CAMK4: variants seen among roughly 807,000 people sequenced by gnomAD.
CAMK4 encodes the protein calcium/calmodulin dependent protein kinase IV, also known as calcium/calmodulin-dependent protein kinase type IV.
CAMK4 carries 22 observed loss-of-function variants against 44.9 expected under a neutral mutation model. The ratio of observed to expected loss-of-function variants is 0.49; its 90% confidence interval spans 0.35 to 0.70. CAMK4 has a LOEUF of 0.70. CAMK4 is among the 30% of genes least tolerant of loss of function. CAMK4 has a pLI of 0.01. For synonymous variants in CAMK4, 218 were observed against 215.4 expected (o/e 1.01, Z -0.11); for missense variants, 498 against 586.8 (o/e 0.85, Z 1.56).
chr5:111,395,211 CAAAAAAAAA>C (rs1175802762), intron 5 of CAMK4, among the ~76,000 whole-genome samples: 1 of 90,680 alleles, frequency 1.1e-5, no homozygotes, highest in African/African-American at 3.7e-5. Flanking sequence ...GACCCTGTCT[CAAAAAAAAA>C]AAAAAAAGAA....
chr5:111,421,003 C>G, intron 5 of CAMK4, among the ~76,000 whole-genome samples: 1 of 152,150 alleles, frequency 6.6e-6, no homozygotes, highest in Admixed American at 6.5e-5. Flanking sequence ...TAGGAAATCA[C>G]AAGGGTATTG....
intron 1 of CAMK4, among the ~76,000 whole-genome samples, chr5:111,260,734 T>C (rs951786512): frequency 1.3e-5 from 2 of 152,150 alleles, no homozygotes; most frequent in African/African-American, 4.8e-5. Flanking sequence ...ACTCCCTTAT[T>C]TCCTAACCAT....
At chr5:111,276,354 C>G (rs150774017) in intron 1 of CAMK4, among the ~76,000 whole-genome samples, 1 of 152,150 alleles carries the variant, frequency 6.6e-6, no homozygotes, top group African/African-American at 2.4e-5. Context: ...CCTACTCCCC[C>G]AAAATCTTGC....
In CAMK4 at chr5:111,409,102, C is replaced by A. The variant is rs1046989274; in HGVS notation, c.459+14320C>A. Among the ~76,000 whole-genome samples, 92 of 152,176 alleles carry A rather than the reference C, an allele frequency of 6.0e-4. 1 individual carries two copies. The highest frequency in any genetic ancestry group is 1.1e-3 in the Non-Finnish European group (73 of 68,038). ...GGTCTGGAGGATGGTGGCCCCTGCT[C>A]ACAGCTCCACTAGGCAGTGCCCTGG... is the stretch of plus-strand genomic sequence containing the variant. On this transcript the variant is annotated intron_variant, in intron 5 of 10. Transcript: ENST00000282356.
intron 1 of CAMK4, among the ~76,000 whole-genome samples, chr5:111,324,572 AAGG>A (rs1484984504): frequency 6.6e-6 from 1 of 152,056 alleles, no homozygotes; most frequent in Non-Finnish European, 1.5e-5. Flanking sequence ...GCAAAAATTG[AAGG>A]AGAAGAGAAA....
intron 1 of CAMK4, among the ~76,000 whole-genome samples, chr5:111,291,541 C>T (rs946390550): frequency 6.6e-6 from 1 of 152,144 alleles, no homozygotes; most frequent in African/African-American, 2.4e-5. Context: ...TTTGTAGAGA[C>T]AGGGTCTTAC....
intron 2 of CAMK4, among the ~76,000 whole-genome samples, chr5:111,345,789 A>C (rs1487260975): frequency 6.6e-6 from 1 of 151,968 alleles, no homozygotes; most frequent in African/African-American, 2.4e-5. Context: ...TTCATGACGT[A>C]TATTCGTTGG....
At chr5:111,263,774 G>C (rs1245383918) in intron 1 of CAMK4, among the ~76,000 whole-genome samples, 2 of 152,148 alleles carry the variant, frequency 1.3e-5, no homozygotes, top group East Asian at 3.8e-4. Flanking sequence ...ATAGGCTCTA[G>C]ACTCTGTAAA....
chr5:111,228,619 A>G (rs1457889806), intron 1 of CAMK4, among the ~76,000 whole-genome samples: 1 of 150,342 alleles, frequency 6.7e-6, no homozygotes, highest in Non-Finnish European at 1.5e-5. Flanking sequence ...ATTTTCTATT[A>G]TATGCTGTTT....
chr5:111,270,127 T>C (rs1050797731), intron 1 of CAMK4: 1 of 152,298 alleles, frequency 6.6e-6, no homozygotes, highest in Admixed American at 6.5e-5. Context: ...CATGGTGTTA[T>C]ACTGTCAGAA....
chr5:111,297,097 G>A (rs1418363514), intron 1 of CAMK4, among the ~76,000 whole-genome samples: 2 of 152,166 alleles, frequency 1.3e-5, no homozygotes, highest in Non-Finnish European at 2.9e-5. Context: ...ATGAGCAAAA[G>A]CTTCAGACAC....
At chr5:111,324,312 TTAAA>T (rs1748783901) in intron 1 of CAMK4, among the ~76,000 whole-genome samples, 2 of 151,914 alleles carry the variant, frequency 1.3e-5, no homozygotes, top group Admixed American at 6.6e-5. Flanking sequence ...GAGATGCACT[TTAAA>T]TATAAAGACA....
rs562684686 is a variant in CAMK4, at chr5:111,267,057, C to T, written c.161+42413C>T. On this transcript the variant is annotated intron_variant, in intron 1 of 10. Coordinates refer to ENST00000282356, the MANE Select transcript of CAMK4 (RefSeq NM_001744.6). ...CTTTCCAGCTGTTGCCTTCATTCCA[C>T]ATCTTTGGTCAGTAGGAGCCTCTTC... 9.2e-5 allele frequency among the ~76,000 whole-genome samples: 14 copies of T among 152,266 alleles called. No homozygotes were observed. The South Asian group carries it at 2.5e-3, about 27-fold the overall frequency.
At chr5:111,409,890 A>G (rs565601736) in intron 5 of CAMK4, among the ~76,000 whole-genome samples, 1 of 152,334 alleles carries the variant, frequency 6.6e-6, no homozygotes, top group South Asian at 2.1e-4. Flanking sequence ...TTTATTGTCC[A>G]TATCACTATC....
intron 5 of CAMK4, among the ~76,000 whole-genome samples, chr5:111,428,612 C>A (rs1025985773): frequency 6.6e-6 from 1 of 152,052 alleles, no homozygotes; most frequent in Non-Finnish European, 1.5e-5. Context: ...CATCAGAATC[C>A]TTTAATAGCA....
chr5:111,418,051 T>C (rs913832360), intron 5 of CAMK4, among the ~76,000 whole-genome samples: 2 of 152,148 alleles, frequency 1.3e-5, no homozygotes, highest in Admixed American at 6.6e-5. Context: ...GGGAAAGTCC[T>C]AAAAATATAT....
chr5:111,445,419 T>TTTTTTG (rs988915874), intron 5 of CAMK4, among the ~76,000 whole-genome samples: 9 of 151,550 alleles, frequency 5.9e-5, no homozygotes, highest in African/African-American at 1.9e-4. Flanking sequence ...TTTGGTTTGG[T>TTTTTTG]TTTTTGTTTT....
At chr5:111,329,250 G>A (rs1159595068) in intron 1 of CAMK4, among the ~76,000 whole-genome samples, 1 of 151,928 alleles carries the variant, frequency 6.6e-6, no homozygotes, top group African/African-American at 2.4e-5. Flanking sequence ...AGCTATCTAT[G>A]AGAAACCCAC....
At chr5:111,420,799 A>G (rs777365976) in intron 5 of CAMK4, among the ~76,000 whole-genome samples, 2 of 152,208 alleles carry the variant, frequency 1.3e-5, no homozygotes, top group Admixed American at 6.5e-5. Context: ...ACCGGCGGTC[A>G]GAGTTTAAGG....
Sources: gnomAD v4.1 joint callset for allele counts (sites outside exome capture counted in the v4.1 genomes callset) on GRCh38, gnomAD v4.1.1 for gene constraint, MANE v1.5 for transcripts, NCBI Gene and HGNC (gene_info 2026-07-23, HGNC 2026-07-21) for gene names.